The following MLF1 variants were observed in gnomAD, a reference collection of about 807,000 sequenced individuals.
MLF1 encodes myeloid leukemia factor 1.
In MLF1, 37 loss-of-function variants were observed where a neutral mutation model predicts 38.3. That is an observed-to-expected ratio of 0.96 (90% confidence interval 0.74 to 1.27). The LOEUF is 1.27. Among genes scored for constraint, MLF1 ranks in the 50% most tolerant of loss-of-function variants. MLF1 has a pLI of 0.00. For missense variants in MLF1, 331 were observed against 349.2 expected (o/e 0.95, Z 0.42); for synonymous variants, 95 against 106.5 (o/e 0.89, Z 0.66).
intron 1 of MLF1, among the ~76,000 whole-genome samples, chr3:158,588,431 G>C (rs1224867866): frequency 6.6e-6 from 1 of 151,936 alleles, no homozygotes; most frequent in Non-Finnish European, 1.5e-5. Flanking sequence ...GTGAAACCCC[G>C]TCTCTACTAA....
In MLF1 at chr3:158,571,270, CG is replaced by C. The variant is rs375504173; in HGVS notation, c.-30del. On this transcript the variant is annotated 5_prime_UTR_variant, in exon 1 of 8. Coordinates refer to ENST00000466246, the MANE Select transcript of MLF1 (RefSeq NM_001369783.1). ...GTTAACATCGTTTTTCCAATCTGTC[CG>C]CGGCTGCCGCCACCCAAGACAGAGC... 7.1e-4 allele frequency: 1,113 copies of C among 1,568,520 alleles called. 10 individuals carry two copies. In the African/African-American group the frequency reaches 0.014, roughly 19 times the overall value.
At chr3:158,573,574 A>G (rs1016948204) in intron 1 of MLF1, 2 of 152,100 alleles carry the variant, frequency 1.3e-5, no homozygotes, top group South Asian at 2.1e-4. Flanking sequence ...AACTTTGGCC[A>G]TTGTTACAAA....
chr3:158,573,998 C>T (rs1714986275), intron 1 of MLF1, among the ~76,000 whole-genome samples: 1 of 152,046 alleles, frequency 6.6e-6, no homozygotes, highest in Admixed American at 6.6e-5. Context: ...GAGGTTTCGC[C>T]GTGTTACCCA....
At chr3:158,585,037 G>GAAAAAAAAA (rs59014137) in intron 1 of MLF1, among the ~76,000 whole-genome samples, 1 of 88,858 alleles carries the variant, frequency 1.1e-5, no homozygotes, top group Non-Finnish European at 2.3e-5. Flanking sequence ...GACTCTGTCT[G>GAAAAAAAAA]AAAAAAAAAA....
At chr3:158,574,523 A>AAAAAACAAAAAAC in intron 1 of MLF1, among the ~76,000 whole-genome samples, 1 of 115,698 alleles carries the variant, frequency 8.6e-6, no homozygotes, top group South Asian at 3.3e-4. Flanking sequence ...AAAAAAAAAA[A>AAAAAACAAAAAAC]AAAATACAAA....
At chr3:158,603,430 T>C (rs1720085569) in intron 7 of MLF1, among the ~76,000 whole-genome samples, 2 of 152,246 alleles carry the variant, frequency 1.3e-5, no homozygotes, top group Admixed American at 6.5e-5. Flanking sequence ...CAATACCATA[T>C]TCGATGTGTA....
rs571083790 is a variant in MLF1, at chr3:158,572,724, G to T, written c.47+1377G>T. Reference sequence around the variant, plus strand: ...AGAGGGTTTAGGGGCATGAGGTGTGGGGGTAGGAGGGTTGAGGGTGTGAGG... The same window carrying T: ...AGAGGGTTTAGGGGCATGAGGTGTGTGGGTAGGAGGGTTGAGGGTGTGAGG... On this transcript the variant is annotated intron_variant, in intron 1 of 7. Transcript: ENST00000466246. Among the ~76,000 whole-genome samples, 3 of 133,316 alleles carry T rather than the reference G, an allele frequency of 2.3e-5. No individual in the cohort carries two copies. The East Asian group carries it at 6.9e-4, about 31-fold the overall frequency. 87.5% of individuals were successfully genotyped at this position (133,316 alleles called of 152,430 possible). A position where few individuals can be genotyped will look rare whatever the true frequency, so the allele number is the denominator to read the frequency against.
chr3:158,573,999 G>A (rs193067346), intron 1 of MLF1, among the ~76,000 whole-genome samples: 3 of 152,046 alleles, frequency 2.0e-5, no homozygotes, highest in African/African-American at 7.2e-5. Flanking sequence ...AGGTTTCGCC[G>A]TGTTACCCAG....
At chr3:158,583,037 CCTCTTAT>C (rs1716658222) in intron 1 of MLF1, 1 of 542,922 alleles carries the variant, frequency 1.8e-6, no homozygotes, top group Non-Finnish European at 3.2e-6. Context: ...TGCCAATCTA[CCTCTTAT>C]ATTCTTCTCC....
intron 1 of MLF1, among the ~76,000 whole-genome samples, chr3:158,576,906 T>C (rs976970089): frequency 6.6e-6 from 1 of 152,000 alleles, no homozygotes; most frequent in African/African-American, 2.4e-5. Context: ...ACTCCTGATC[T>C]CGTGATATGC....
At position 158,600,284 on chromosome 3, in the gene MLF1, A is replaced by G. The variant is rs959240497; in HGVS notation, c.613+111A>G. 8.1e-6 allele frequency: 4 copies of G among 495,506 alleles called. 1 individual carries two copies. The highest frequency in any genetic ancestry group is 1.8e-4 in the South Asian group (2 of 10,842). The allele number at this position is 495,506 out of a possible 1,614,324, so 30.7% of individuals were successfully genotyped here. ...ATAAGATGTAGTTTTTGAATAATGC[A>G]TGTAGAGAATACCTTGTGAAAGTAA... On this transcript the variant is annotated intron_variant, in intron 6 of 7. Transcript: ENST00000466246.
chr3:158,599,572 T>A (rs1719430485), intron 5 of MLF1, among the ~76,000 whole-genome samples: 1 of 152,180 alleles, frequency 6.6e-6, no homozygotes, highest in Non-Finnish European at 1.5e-5. Flanking sequence ...TAAATCATGT[T>A]AGTTGCTATC....
rs1719521416 is a variant in MLF1 at position 158,600,108 on chromosome 3, A to C, written c.548A>C (p.Lys183Thr). Reference sequence around the variant, plus strand: ...ATCCATGACCGAGCTCATGTCATTAAAAAGTCAAAGAACAAGAAGACTGGA... The same window carrying C: ...ATCCATGACCGAGCTCATGTCATTACAAAGTCAAAGAACAAGAAGACTGGA... Reference protein sequence around the residue: ...HHIHDRAHVIKKSKNKKTGDE... With the variant: ...HHIHDRAHVITKSKNKKTGDE... Residue 183 changes from lysine (K) to threonine (T), a missense_variant, in exon 6 of 8, where the codon AAA (lysine) becomes ACA (threonine). Lys to Thr is a moderately conservative substitution (Grantham distance 78). Coordinates refer to ENST00000466246, the MANE Select transcript of MLF1 (RefSeq NM_001369783.1). The C allele has an allele frequency of 6.7e-7, 1 of 1,485,404 alleles. No homozygotes were observed. The highest frequency in any genetic ancestry group is 9.0e-7 in the Non-Finnish European group (1 of 1,110,604). The allele number at this position is 1,485,404 out of a possible 1,614,324, so 92.0% of individuals were successfully genotyped here.
intron 1 of MLF1, among the ~76,000 whole-genome samples, chr3:158,574,858 G>T (rs1029650878): frequency 1.2e-4 from 19 of 152,134 alleles, no homozygotes; most frequent in African/African-American, 4.6e-4. Context: ...CATACAATTG[G>T]TAACAGCTAA....
At chr3:158,591,068 T>G in intron 1 of MLF1, 6 of 497,560 alleles carry the variant, frequency 1.2e-5, no homozygotes, top group South Asian at 8.8e-5. Flanking sequence ...GAGGAAAAGC[T>G]CTTTCTACTT....
rs11297914 is a variant in MLF1 at position 158,586,164 on chromosome 3, C to CAA, written c.48-6257_48-6256dup. Among the ~76,000 whole-genome samples the CAA allele has an allele frequency of 3.2e-5, 4 of 125,158 alleles. No individual in the cohort carries two copies. The East Asian group carries it at 7.2e-4, about 22-fold the overall frequency. 82.1% of individuals were successfully genotyped at this position (125,158 alleles called of 152,430 possible). A position where few individuals can be genotyped will look rare whatever the true frequency, so the allele number is the denominator to read the frequency against. ...GGGCAGCAAGAGTGAAACTCTGTCTCAAAAAAAAAAAAAAGAAAAGAAAAA... is the reference window on the plus strand; with the variant it reads ...GGGCAGCAAGAGTGAAACTCTGTCTCAAAAAAAAAAAAAAAAGAAAAGAAAAA... On this transcript the variant is annotated intron_variant, in intron 1 of 7. Transcript: ENST00000466246.
intron 1 of MLF1, among the ~76,000 whole-genome samples, chr3:158,583,684 G>A (rs976710607): frequency 8.5e-5 from 13 of 152,216 alleles, no homozygotes; most frequent in African/African-American, 1.7e-4. Context: ...ATTCAATTCC[G>A]TGGAAGTAAC....
chr3:158,601,218 G>C (rs1719698353), intron 6 of MLF1, among the ~76,000 whole-genome samples: 2 of 151,522 alleles, frequency 1.3e-5, no homozygotes, highest in Non-Finnish European at 2.9e-5. Context: ...GTAGATCATG[G>C]GGTCATAAGT....
intron 1 of MLF1, among the ~76,000 whole-genome samples, chr3:158,587,869 C>T (rs1424408867): frequency 6.6e-6 from 1 of 152,238 alleles, no homozygotes; most frequent in Non-Finnish European, 1.5e-5. Flanking sequence ...GGCCTGGCGG[C>T]GTGCGCCTGT....
Sources: gnomAD v4.1 joint callset for allele counts (sites outside exome capture counted in the v4.1 genomes callset) on GRCh38, gnomAD v4.1.1 for gene constraint, MANE v1.5 for transcripts, NCBI Gene and HGNC (gene_info 2026-07-23, HGNC 2026-07-21) for gene names.